Variants in ATG2B observed in about 807,000 individuals in gnomAD.
ATG2B encodes autophagy-related protein 2 homolog B.
ATG2B carries 121 observed loss-of-function variants against 241.3 expected under a neutral mutation model. That is an observed-to-expected ratio of 0.50 (90% CI 0.43 to 0.58). The LOEUF (loss-of-function observed/expected upper bound fraction) is 0.58. Among genes scored for constraint, ATG2B ranks in the 20% least tolerant of loss-of-function variants. The pLI is 0.00. For missense variants in ATG2B, 2,306 were observed against 2,491.6 expected (o/e 0.93, Z 1.59); for synonymous variants, 858 against 876.6 (o/e 0.98, Z 0.37).
At chr14:96,322,350 A>G (rs1194981749) in intron 17 of ATG2B, 96 bp from the exon 18 acceptor site, 9 of 1,421,250 alleles carry the variant, frequency 6.3e-6, no homozygotes, top group Non-Finnish European at 6.7e-6. Context: ...GTATGTGAGA[A>G]ATAAATAAGC....
chr14:96,315,112 A>G (rs772398244), intron 23 of ATG2B, 42 bp downstream of exon 23: 7 of 1,485,398 alleles, frequency 4.7e-6, no homozygotes, highest in Non-Finnish European at 6.5e-6. Flanking sequence ...ATGTCAACAC[A>G]AATTTTTAAA....
chr14:96,363,182 G>A lies in ATG2B; in HGVS notation c.-206C>T, dbSNP rs548072971. 2.1e-4 allele frequency: 121 copies of A among 571,492 alleles called. No homozygotes were observed. The African/African-American group carries it at 2.2e-3, about 11-fold the overall frequency. The allele number at this position is 571,492 out of a possible 1,614,324, so 35.4% of individuals were successfully genotyped here. ...CCTGGCGGAGGCAAGACGCAGAGGG[G>A]TCCTCCTGGCCCCAGGCCAGGGGAC... On this transcript the variant is annotated 5_prime_UTR_variant, in exon 1 of 42. Transcript: ENST00000359933.
Position 96,332,541 on chromosome 14 carries a change from T to TATGTACTAGTTA in ATG2B, c.1310_1321dup (p.Leu437_Thr440dup). The TATGTACTAGTTA allele has an allele frequency of 6.2e-7, 1 of 1,611,092 alleles. No homozygotes were observed. Among genetic ancestry groups the TATGTACTAGTTA allele is most frequent in the Non-Finnish European group, 8.5e-7 (1 of 1,178,974 alleles). On this transcript the variant is annotated inframe_insertion, in exon 9 of 42. Coordinates refer to ENST00000359933, the MANE Select transcript of ATG2B (RefSeq NM_018036.7). ...TGGAGATCCTGCTGGGGTATTTGTA[T>TATGTACTAGTTA]ATGTACTAGTTAATGATAACTCAAG...
chr14:96,308,264 ATATATATATATATATATATTT>A (rs1566719862), intron 29 of ATG2B, among the ~76,000 whole-genome samples: 27 of 12,614 alleles, frequency 2.1e-3, no homozygotes, highest in African/African-American at 9.9e-3. Flanking sequence ...ACACATATAT[ATATATATATATATATATATTT>A]TTTTTTTTTT....
rs557908416 is a variant in ATG2B, at chr14:96,362,717, A to C, written c.162+98T>G. Reference sequence around the variant, plus strand: ...TCACACTCGGGTCCAAACAATTCCCAAGGAGGGACTGACTGTCACCAATCT... The same window carrying C: ...TCACACTCGGGTCCAAACAATTCCCCAGGAGGGACTGACTGTCACCAATCT... On this transcript the variant is annotated intron_variant, in intron 1 of 41. Coordinates refer to ENST00000359933, the MANE Select transcript of ATG2B (RefSeq NM_018036.7). 9.5e-6 allele frequency: 12 copies of C among 1,257,400 alleles called. No individual in the cohort carries two copies. The Admixed American group carries it at 2.3e-4, about 24-fold the overall frequency. The allele number at this position is 1,257,400 out of a possible 1,614,324, so 77.9% of individuals were successfully genotyped here.
At chr14:96,338,020 T>A (rs1887911081) in intron 6 of ATG2B, among the ~76,000 whole-genome samples, 1 of 152,056 alleles carries the variant, frequency 6.6e-6, no homozygotes, top group Non-Finnish European at 1.5e-5. Context: ...GGTATTGTAT[T>A]TTATTTTATT....
At chr14:96,301,901 T>A (rs956767812) in intron 34 of ATG2B, 106 bp downstream of exon 34, 1 of 854,576 alleles carries the variant, frequency 1.2e-6, no homozygotes. Flanking sequence ...GCTTTATATA[T>A]GTAACCGCCA....
rs1436465397 is a variant in ATG2B at position 96,311,549 on chromosome 14, C to A, written c.3983G>T (p.Gly1328Val). 1 of 1,600,976 alleles carries A rather than the reference C, an allele frequency of 6.2e-7. No homozygotes were observed. The change falls in exon 27 of 42, where the codon GGA (glycine) becomes GTA (valine). Residue 1328 changes from glycine to valine, a missense_variant. Around this residue, in one of 2 missense-constraint regions of ATG2B, gnomAD observed 1,927 missense variants for 2,011.2 expected, o/e 0.96. Transcript: ENST00000359933. ...TTTATTTTAATAACTCACTTGCTCT[C>A]CATCAGAATCAGACTTCACTGCAGT... The part of the protein sequence containing the change: ...TITAVKSDSD[G>V]EQTEPRFELH...
chr14:96,342,977 T>TA, intron 5 of ATG2B, 142 bp downstream of exon 5: 1 of 549,516 alleles, frequency 1.8e-6, no homozygotes, highest in Non-Finnish European at 3.0e-6. Context: ...AAACATATAT[T>TA]ACCATTACTG....
In ATG2B at chr14:96,346,343, C is replaced by A. The variant is rs58379024; in HGVS notation, c.325+836G>T. On this transcript the variant is annotated intron_variant, in intron 2 of 41. Transcript: ENST00000359933. ...TCCAAAATGGAATTTAAAAGTCTTT[C>A]TAATGGAATGCTTTAAAGAGAAAAA... Among the ~76,000 whole-genome samples the A allele has an allele frequency of 6.2e-3, 951 of 152,208 alleles. 14 individuals are homozygous for A. Among genetic ancestry groups the A allele is most frequent in the African/African-American group, 0.022 (903 of 41,546 alleles).
At chr14:96,301,060 G>A (rs569018212) in intron 34 of ATG2B, among the ~76,000 whole-genome samples, 1 of 152,252 alleles carries the variant, frequency 6.6e-6, no homozygotes, top group East Asian at 1.9e-4. Flanking sequence ...TTATTTCACA[G>A]CAGATTAGTT....
Position 96,316,592 on chromosome 14 carries a change from C to A in ATG2B, c.3302G>T (p.Gly1101Val), listed in dbSNP as rs781032123. ...GCAAATGTAGTGCTTGTCATCAAAACCTTCATATTTTGTCACACAAAATAA... is the reference window on the plus strand; with the variant it reads ...GCAAATGTAGTGCTTGTCATCAAAAACTTCATATTTTGTCACACAAAATAA... ...GSLFCVTKYE[G>V]FDDKHYICLH... Residue 1101 changes from glycine (G) to valine (V), a missense_variant, in exon 21 of 42, where the codon GGT becomes GTT. By Grantham distance (109) the Gly-to-Val change is moderately radical (BLOSUM62 -3). Transcript: ENST00000359933. 2 of 1,613,686 alleles carry A rather than the reference C, an allele frequency of 1.2e-6. No homozygotes were observed. The highest frequency in any genetic ancestry group is 1.1e-5 in the South Asian group (1 of 91,042).
intron 15 of ATG2B, chr14:96,324,238 T>C (rs1169342941): frequency 2.3e-6 from 1 of 440,998 alleles, no homozygotes; most frequent in African/African-American, 2.1e-5. Context: ...AAGTACATAA[T>C]GACATAGTAA....
At chr14:96,353,308 G>A (rs1450155972) in intron 1 of ATG2B, among the ~76,000 whole-genome samples, 1 of 152,150 alleles carries the variant, frequency 6.6e-6, no homozygotes, top group Non-Finnish European at 1.5e-5. Flanking sequence ...AAGCCCTAGA[G>A]CAACCACTAA....
In ATG2B at chr14:96,319,487, T is replaced by C. The variant is rs555421110; in HGVS notation, c.2880-1632A>G. On this transcript the variant is annotated intron_variant, in intron 18 of 41. Transcript: ENST00000359933. ...AAACATTCTCCTGTACCTAAAACCATACTGCTAAAAACAGCCTGTTGACCA... is the reference window on the plus strand; with the variant it reads ...AAACATTCTCCTGTACCTAAAACCACACTGCTAAAAACAGCCTGTTGACCA... 5.9e-5 allele frequency among the ~76,000 whole-genome samples: 9 copies of C among 152,160 alleles called. No individual in the cohort carries two copies. The South Asian group carries it at 1.9e-3, about 32-fold the overall frequency.
In ATG2B at chr14:96,363,018, G is replaced by A. The variant is rs745312901; in HGVS notation, c.-42C>T. On this transcript the variant is annotated 5_prime_UTR_variant, in exon 1 of 42. Transcript: ENST00000359933. ...TGGGCTGACTGCGGCTGCGGGTTGC[G>A]ACGGCTCCGGCCTCGGGGTAGCGAC... 3.1e-6 allele frequency: 5 copies of A among 1,609,628 alleles called. No homozygotes were observed. In the South Asian group the frequency reaches 5.5e-5, roughly 18 times the overall value.
chr14:96,294,810 G>C (rs1886584607), intron 36 of ATG2B, 150 bp downstream of exon 36: 2 of 678,006 alleles, frequency 2.9e-6, no homozygotes, highest in Non-Finnish European at 4.9e-6. Flanking sequence ...CAATTAGATG[G>C]GGACCACAAA....
intron 25 of ATG2B, among the ~76,000 whole-genome samples, chr14:96,312,781 T>A (rs1887196161): frequency 6.6e-6 from 1 of 152,066 alleles, no homozygotes; most frequent in African/African-American, 2.4e-5. Flanking sequence ...ATAAAAAGTA[T>A]AAAGTGTATC....
intron 29 of ATG2B, among the ~76,000 whole-genome samples, chr14:96,308,485 G>C (rs1165069906): frequency 2.1e-5 from 3 of 141,110 alleles, no homozygotes; most frequent in Admixed American, 7.2e-5. Context: ...TTTTTAATTG[G>C]AGAGATGGGG....
Sources: allele counts gnomAD v4.1 joint callset (sites outside exome capture counted in the v4.1 genomes callset), GRCh38; gene constraint gnomAD v4.1.1; regional missense constraint gnomAD v4.1.1; transcripts MANE v1.5; gene names NCBI Gene and HGNC (gene_info 2026-07-23, HGNC 2026-07-21).